Variants in PCDH7 observed in about 807,000 individuals in gnomAD.
The protein encoded by PCDH7 is protocadherin-7.
A neutral mutation model predicts 58.9 loss-of-function variants in PCDH7; 17 were observed. The ratio of observed to expected loss-of-function variants is 0.29; its 90% CI spans 0.20 to 0.43. The LOEUF is 0.43. Ranked by LOEUF, PCDH7 falls within the 20% of genes least tolerant of loss-of-function variation. PCDH7 has a pLI of 1.00. For synonymous variants in PCDH7, 664 were observed against 616.4 expected (o/e 1.08, Z -1.14); for missense variants, 1,274 against 1,441.0 (o/e 0.88, Z 1.88).
At chr4:30,955,971 T>C (rs925061142) in intron 3 of PCDH7, among the ~76,000 whole-genome samples, 1 of 149,354 alleles carries the variant, frequency 6.7e-6, no homozygotes, top group African/African-American at 2.5e-5. Context: ...GATCAAGAGG[T>C]CAGGAGATCG....
chr4:30,774,804 A>C (rs1309716094), intron 1 of PCDH7, among the ~76,000 whole-genome samples: 1 of 152,190 alleles, frequency 6.6e-6, no homozygotes, highest in African/African-American at 2.4e-5. Context: ...TTTATTACCA[A>C]ATGTAATGAA....
chr4:30,840,148 A>AT (rs113047338), intron 1 of PCDH7, among the ~76,000 whole-genome samples: 5,524 of 148,656 alleles, frequency 0.037, 251 homozygotes, highest in African/African-American at 0.11. Context: ...CTTTTCAGTT[A>AT]TTTTTTTTTT....
rs980379566 is a variant in PCDH7 at position 30,881,306 on chromosome 4, G to A, written c.71-38847G>A. On this transcript the variant is annotated intron_variant, in intron 1 of 3. Coordinates refer to the PCDH7 transcript ENST00000509759. The stretch of plus-strand genomic sequence containing the variant: ...GGCTGCAGTGAGCTGAGATTGCATC[G>A]CTGTACTCCAGCCTGGGTGATAGAG... Among the ~76,000 whole-genome samples, 21 of 151,724 alleles carry A rather than the reference G, an allele frequency of 1.4e-4. 1 individual carries two copies. Among genetic ancestry groups the A allele is most frequent in the Non-Finnish European group, 1.5e-5 (1 of 67,948 alleles).
intron 3 of PCDH7, among the ~76,000 whole-genome samples, chr4:30,954,082 T>C (rs1313132487): frequency 6.6e-6 from 1 of 152,158 alleles, no homozygotes; most frequent in East Asian, 1.9e-4. Flanking sequence ...TTATGGGAAC[T>C]GTTACAAATG....
chr4:31,050,127 T>C (rs1484066766), intron 3 of PCDH7, among the ~76,000 whole-genome samples: 2 of 152,142 alleles, frequency 1.3e-5, no homozygotes, highest in Admixed American at 6.6e-5. Context: ...GTTCCCTGTG[T>C]TCAGTCTATA....
At chr4:31,076,639 T>C (rs184246299) in intron 3 of PCDH7, among the ~76,000 whole-genome samples, 53 of 152,314 alleles carry the variant, frequency 3.5e-4, no homozygotes, top group Non-Finnish European at 4.4e-4. Context: ...AATCCCCATA[T>C]GCCAAAAGAA....
chr4:30,930,515 A>G (rs1039394779), intron 2 of PCDH7, among the ~76,000 whole-genome samples: 1 of 152,220 alleles, frequency 6.6e-6, no homozygotes, highest in African/African-American at 2.4e-5. Flanking sequence ...AATAGATCAG[A>G]CTACGATTTA....
chr4:31,109,441 A>G (rs1331676536), intron 3 of PCDH7, among the ~76,000 whole-genome samples: 5 of 152,232 alleles, frequency 3.3e-5, no homozygotes, highest in Admixed American at 6.5e-5. Context: ...GAAATAGTCA[A>G]ATTATAAGAT....
chr4:30,759,531 C>T (rs574895451), intron 1 of PCDH7, among the ~76,000 whole-genome samples: 4 of 152,098 alleles, frequency 2.6e-5, no homozygotes, highest in Admixed American at 2.0e-4. Context: ...TTCATATTTT[C>T]TAGGAAGAGT....
intron 1 of PCDH7, chr4:30,730,709 C>A: frequency 2.0e-6 from 3 of 1,467,070 alleles, no homozygotes; most frequent in South Asian, 2.5e-5. Context: ...ATTTCTTTAT[C>A]GATTTTTTTT....
intron 1 of PCDH7, among the ~76,000 whole-genome samples, chr4:30,916,965 G>A (rs186138708): frequency 6.8e-4 from 104 of 152,242 alleles, no homozygotes; most frequent in African/African-American, 2.4e-3. Context: ...CATCTAGGTT[G>A]AAGAATTATC....
chr4:30,809,985 T>A (rs1298188004), intron 1 of PCDH7, among the ~76,000 whole-genome samples: 2 of 152,232 alleles, frequency 1.3e-5, no homozygotes, highest in Admixed American at 1.3e-4. Context: ...AATGTGCAGC[T>A]AACTCAGTGT....
intron 3 of PCDH7, among the ~76,000 whole-genome samples, chr4:30,993,363 T>C (rs1751616384): frequency 6.6e-6 from 1 of 152,216 alleles, no homozygotes; most frequent in South Asian, 2.1e-4. Context: ...ATGCTTTACC[T>C]TTCCAAGATG....
intron 3 of PCDH7, among the ~76,000 whole-genome samples, chr4:31,008,994 T>C (rs1752983993): frequency 6.6e-6 from 1 of 152,108 alleles, no homozygotes; most frequent in Non-Finnish European, 1.5e-5. Flanking sequence ...AGTCACTTCA[T>C]TCCTGTGAAA....
chr4:30,804,951 G>A (rs1373421154), intron 1 of PCDH7, among the ~76,000 whole-genome samples: 3 of 152,112 alleles, frequency 2.0e-5, no homozygotes, highest in Admixed American at 6.5e-5. Flanking sequence ...GGCTCGTTTT[G>A]TCCTTTCTAC....
chr4:30,943,594 G>C (rs1286846102), intron 2 of PCDH7, among the ~76,000 whole-genome samples: 3 of 152,086 alleles, frequency 2.0e-5, no homozygotes, highest in African/African-American at 4.8e-5. Context: ...TCTTTCGCCT[G>C]CATCTCTTCA....
intron 1 of PCDH7, among the ~76,000 whole-genome samples, chr4:30,757,560 G>A (rs371840409): frequency 6.6e-6 from 1 of 152,074 alleles, no homozygotes; most frequent in Non-Finnish European, 1.5e-5. Context: ...CTTTTTGCCT[G>A]TATGAAACAT....
At chr4:31,129,783 C>T (rs1176106740) in intron 3 of PCDH7, among the ~76,000 whole-genome samples, 1 of 152,020 alleles carries the variant, frequency 6.6e-6, no homozygotes, top group Non-Finnish European at 1.5e-5. Flanking sequence ...CAGGTGCCAC[C>T]ACACCCAGAT....
chr4:30,881,555 T>A (rs1319136280), intron 1 of PCDH7, among the ~76,000 whole-genome samples: 6 of 152,290 alleles, frequency 3.9e-5, no homozygotes, highest in Admixed American at 3.9e-4. Flanking sequence ...GAGTTCTAGT[T>A]GTCTTTTACC....
Sources: allele counts gnomAD v4.1 joint callset (sites outside exome capture counted in the v4.1 genomes callset), GRCh38; gene constraint gnomAD v4.1.1; transcripts MANE v1.5; gene names NCBI Gene and HGNC (gene_info 2026-07-23, HGNC 2026-07-21).